RBKS: variants seen among roughly 807,000 people sequenced by gnomAD.
The protein encoded by RBKS is ribokinase.
In RBKS, 33 loss-of-function variants were observed where a neutral mutation model predicts 33.9. The ratio of observed to expected loss-of-function variants is 0.97; its 90% CI spans 0.74 to 1.30. The LOEUF is 1.30. Ranked by LOEUF, RBKS falls within the 50% of genes most tolerant of loss-of-function variation. The probability of loss-of-function intolerance (pLI) is 0.00; values close to 1 mark genes in which losing one functional copy is unlikely to be tolerated. For missense variants in RBKS, 361 were observed against 392.6 expected (o/e 0.92, Z 0.68); for synonymous variants, 125 against 143.0 (o/e 0.87, Z 0.90).
chr2:27,890,127 C>T lies in RBKS; in HGVS notation c.89+130G>A. ...AAGGTAGGCTGAAGGCTTCGAAAACCTGCAGCTCATACCCAAAGCTAGCAC... is the reference window on the plus strand; with the variant it reads ...AAGGTAGGCTGAAGGCTTCGAAAACTTGCAGCTCATACCCAAAGCTAGCAC... On this transcript the variant is annotated intron_variant, in intron 1 of 7. Transcript: ENST00000302188. This position sits in a 1 kb window ranked among gnomAD's most constrained non-coding sequence, Gnocchi z 4.8. The T allele has an allele frequency of 2.7e-6, 2 of 747,008 alleles. No homozygotes were observed. Among genetic ancestry groups the T allele is most frequent in the Non-Finnish European group, 4.3e-6 (2 of 461,692 alleles). The allele number at this position is 747,008 out of a possible 1,614,324, so 46.3% of individuals were successfully genotyped here.
chr2:27,800,195 G>C (rs11686001), intron 7 of RBKS, among the ~76,000 whole-genome samples: 18,111 of 151,934 alleles, frequency 0.12, 1,521 homozygotes, highest in Non-Finnish European at 0.18. Flanking sequence ...TGGGACTACA[G>C]GTGCAAGCCA....
At chr2:27,855,910 T>G (rs1338896471) in intron 2 of RBKS, among the ~76,000 whole-genome samples, 1 of 152,176 alleles carries the variant, frequency 6.6e-6, no homozygotes, top group Non-Finnish European at 1.5e-5. Context: ...ATAGAAAATT[T>G]TTACCTGTTT....
Position 27,781,502 on chromosome 2 carries a change from C to A in RBKS, c.*113G>T. On this transcript the variant is annotated 3_prime_UTR_variant, in exon 8 of 8. Transcript: ENST00000302188. The stretch of plus-strand genomic sequence containing the variant: ...GCTTGAGGATGACTTCGTAAAAGAA[C>A]TAATATTTGCAAAGAAAGGGGACGA... 1.3e-6 allele frequency: 1 copy of A among 797,482 alleles called. No homozygotes were observed. The highest frequency in any genetic ancestry group is 4.0e-4 in the Middle Eastern group (1 of 2,508). 49.4% of individuals were successfully genotyped at this position (797,482 alleles called of 1,614,324 possible).
intron 2 of RBKS, among the ~76,000 whole-genome samples, chr2:27,856,611 A>G (rs1205278982): frequency 2.6e-5 from 4 of 152,156 alleles, no homozygotes; most frequent in African/African-American, 4.8e-5. Flanking sequence ...CTTGACTTTA[A>G]TGGCTACATA....
intron 5 of RBKS, among the ~76,000 whole-genome samples, chr2:27,833,428 A>C (rs189030807): frequency 6.6e-6 from 1 of 152,366 alleles, no homozygotes; most frequent in East Asian, 1.9e-4. Flanking sequence ...GGAGGAATTC[A>C]GTCAGAGGCT....
intron 7 of RBKS, among the ~76,000 whole-genome samples, chr2:27,797,227 G>A (rs1025373135): frequency 6.6e-6 from 1 of 152,192 alleles, no homozygotes; most frequent in East Asian, 1.9e-4. Flanking sequence ...TGCGGTGTGC[G>A]ATTAGGCAAA....
chr2:27,807,668 G>A (rs189688394), intron 7 of RBKS, among the ~76,000 whole-genome samples: 1 of 152,220 alleles, frequency 6.6e-6, no homozygotes, highest in East Asian at 1.9e-4. Context: ...TACTGTGCCC[G>A]GCCACCAGAG....
chr2:27,875,744 CAG>C (rs949187729), intron 1 of RBKS, among the ~76,000 whole-genome samples: 14 of 152,086 alleles, frequency 9.2e-5, no homozygotes, highest in African/African-American at 3.4e-4. Flanking sequence ...CTCTACGTAA[CAG>C]AGTATTAAAT....
intron 7 of RBKS, among the ~76,000 whole-genome samples, chr2:27,785,943 A>G (rs1361866478): frequency 6.6e-6 from 1 of 152,222 alleles, no homozygotes; most frequent in Non-Finnish European, 1.5e-5. Flanking sequence ...ATTGTCTATC[A>G]AATAGGATGA....
Position 27,864,193 on chromosome 2 carries a change from AT to A in RBKS, c.90-5623del, listed in dbSNP as rs35030962. 2.0e-4 allele frequency among the ~76,000 whole-genome samples: 29 copies of A among 148,000 alleles called. No homozygotes were observed. In the East Asian group the frequency reaches 3.6e-3, roughly 18 times the overall value. ...GGGGGCACACAACCATGCCCAACTAATTTTTTTTTTGTAGAAATGGGGTCTC... is the reference window on the plus strand; with the variant it reads ...GGGGGCACACAACCATGCCCAACTAATTTTTTTTTGTAGAAATGGGGTCTC... On this transcript the variant is annotated intron_variant, in intron 1 of 7. Transcript: ENST00000302188.
At chr2:27,879,111 A>C (rs1664371666) in intron 1 of RBKS, among the ~76,000 whole-genome samples, 1 of 152,162 alleles carries the variant, frequency 6.6e-6, no homozygotes, top group Non-Finnish European at 1.5e-5. Context: ...CAAGTGGTGG[A>C]ATGTCTTCCT....
At chr2:27,798,080 C>T (rs1193492213) in intron 7 of RBKS, among the ~76,000 whole-genome samples, 1 of 152,000 alleles carries the variant, frequency 6.6e-6, no homozygotes, top group Admixed American at 6.5e-5. Context: ...AATGGTTCAT[C>T]CTCATGGCAC....
intron 7 of RBKS, among the ~76,000 whole-genome samples, chr2:27,818,002 G>T (rs1678131004): frequency 6.6e-6 from 1 of 152,152 alleles, no homozygotes. Flanking sequence ...TCACCACGTG[G>T]TCCTGCTCCT....
Position 27,781,690 on chromosome 2 carries a change from T to C in RBKS, c.894A>G (p.Ala298=), listed in dbSNP as rs555648924. The change falls in exon 8 of 8, where the codon GCA becomes GCG. Residue 298 remains alanine, a synonymous_variant. Coordinates refer to ENST00000302188, the MANE Select transcript of RBKS (RefSeq NM_022128.3). ...TTCCTGCAGCCTGGACACTGACTGC[T>C]GCAATGAAATTGGATCTGTTGAGCA... ...EDMLNRSNFI[A]AVSVQAAGTQ... 1 of 1,614,108 alleles carries C rather than the reference T, an allele frequency of 6.2e-7. No homozygotes were observed. The highest frequency in any genetic ancestry group is 8.5e-7 in the Non-Finnish European group (1 of 1,179,994).
At chr2:27,886,079 T>C (rs977828965) in intron 1 of RBKS, among the ~76,000 whole-genome samples, 5 of 152,186 alleles carry the variant, frequency 3.3e-5, no homozygotes, top group African/African-American at 1.2e-4. Flanking sequence ...TAGAGATGAG[T>C]GTTCAAGAAG....
chr2:27,884,590 C>T (rs75063222), intron 1 of RBKS, among the ~76,000 whole-genome samples: 4 of 152,218 alleles, frequency 2.6e-5, no homozygotes, highest in African/African-American at 7.2e-5. Flanking sequence ...ATGCTTCATC[C>T]GCTTTGGATC....
chr2:27,851,575 G>C (rs1028509056), intron 2 of RBKS, among the ~76,000 whole-genome samples: 1 of 151,164 alleles, frequency 6.6e-6, no homozygotes, highest in African/African-American at 2.4e-5. Context: ...TTTCGCTCTT[G>C]TTGCCCAAGC....
At chr2:27,796,579 G>A (rs984296442) in intron 7 of RBKS, among the ~76,000 whole-genome samples, 1 of 152,158 alleles carries the variant, frequency 6.6e-6, no homozygotes, top group African/African-American at 2.4e-5. Flanking sequence ...TGCCCATTGA[G>A]GAAGCTGGGG....
At chr2:27,783,585 T>A (rs1460902621) in intron 7 of RBKS, among the ~76,000 whole-genome samples, 1 of 152,048 alleles carries the variant, frequency 6.6e-6, no homozygotes, top group Non-Finnish European at 1.5e-5. Context: ...TCAGGACAAT[T>A]TAAATGTGAC....
Sources: gnomAD v4.1 joint callset for allele counts (sites outside exome capture counted in the v4.1 genomes callset) on GRCh38, gnomAD v4.1.1 for gene constraint, Gnocchi (gnomAD v3.1) non-coding constraint, MANE v1.5 for transcripts, NCBI Gene and HGNC (gene_info 2026-07-23, HGNC 2026-07-21) for gene names.